SYT1: variants seen among roughly 807,000 people sequenced by gnomAD.
The protein encoded by SYT1 is synaptotagmin 1.
In SYT1, 8 loss-of-function variants were observed where a neutral mutation model predicts 44.8. That is an observed-to-expected ratio of 0.18 (90% CI 0.10 to 0.32). SYT1 has a LOEUF of 0.32. Ranked by LOEUF, SYT1 falls within the 10% of genes least tolerant of loss-of-function variation. The pLI, the probability that SYT1 is intolerant of heterozygous loss-of-function variation, is 1.00. For synonymous variants in SYT1, 154 were observed against 188.8 expected (o/e 0.82, Z 1.51); for missense variants, 286 against 509.3 (o/e 0.56, Z 4.22).
At chr12:79,174,715 C>T (rs1227145271) in intron 3 of SYT1, among the ~76,000 whole-genome samples, 19 of 152,000 alleles carry the variant, frequency 1.3e-4, no homozygotes, top group Non-Finnish European at 4.4e-5. Context: ...AATTTAATCA[C>T]TTCAGTCCTT....
intron 4 of SYT1, among the ~76,000 whole-genome samples, chr12:79,232,130 G>A (rs959089799): frequency 8.5e-5 from 13 of 152,126 alleles, no homozygotes; most frequent in East Asian, 5.8e-4. Flanking sequence ...TAAAGTATTC[G>A]TGTATATAAA....
At chr12:79,428,692 A>G (rs1014928482) in intron 9 of SYT1, among the ~76,000 whole-genome samples, 3 of 152,234 alleles carry the variant, frequency 2.0e-5, no homozygotes, top group South Asian at 4.1e-4. Context: ...TCTGAGAATT[A>G]TAAATGTAAA....
intron 2 of SYT1, among the ~76,000 whole-genome samples, chr12:78,990,841 A>G (rs997972087): frequency 8.5e-5 from 13 of 152,170 alleles, no homozygotes; most frequent in African/African-American, 3.1e-4. Context: ...TAATTTGGGG[A>G]AAATATGGTA....
intron 1 of SYT1, among the ~76,000 whole-genome samples, chr12:78,925,425 G>GT (rs1004012798): frequency 6.6e-6 from 1 of 151,852 alleles, no homozygotes; most frequent in Non-Finnish European, 1.5e-5. Flanking sequence ...GTTAACTGAG[G>GT]TTCCCCCTAA....
intron 3 of SYT1, among the ~76,000 whole-genome samples, chr12:79,112,840 A>G (rs2138097461): frequency 6.6e-6 from 1 of 152,110 alleles, no homozygotes; most frequent in East Asian, 1.9e-4. Context: ...GTACTTGTAG[A>G]GAACTTCTAT....
intron 4 of SYT1, among the ~76,000 whole-genome samples, chr12:79,234,955 C>G (rs1292797712): frequency 6.6e-6 from 1 of 152,076 alleles, no homozygotes; most frequent in Non-Finnish European, 1.5e-5. Flanking sequence ...GTGATCCACC[C>G]ACCTTGGCCT....
At chr12:78,969,686 A>C (rs1868331402) in intron 1 of SYT1, among the ~76,000 whole-genome samples, 1 of 152,170 alleles carries the variant, frequency 6.6e-6, no homozygotes, top group Admixed American at 6.5e-5. Context: ...GGTGAGATGA[A>C]GTAGGAGAAG....
At chr12:78,961,978 T>C (rs1204515798) in intron 1 of SYT1, among the ~76,000 whole-genome samples, 1 of 152,196 alleles carries the variant, frequency 6.6e-6, no homozygotes, top group African/African-American at 2.4e-5. Flanking sequence ...CACATAATTC[T>C]ATGTAACTAA....
intron 2 of SYT1, among the ~76,000 whole-genome samples, chr12:79,029,627 T>C (rs1872722572): frequency 6.6e-6 from 1 of 151,152 alleles, no homozygotes; most frequent in East Asian, 1.9e-4. Context: ...AGCTAAGGAA[T>C]CCTGAATGAA....
At chr12:79,200,320 T>C (rs1359839270) in intron 3 of SYT1, among the ~76,000 whole-genome samples, 1 of 152,076 alleles carries the variant, frequency 6.6e-6, no homozygotes, top group Non-Finnish European at 1.5e-5. Context: ...GTCTAACAAA[T>C]TGCCAAAGGA....
intron 1 of SYT1, among the ~76,000 whole-genome samples, chr12:78,966,437 C>G (rs1879778671): frequency 6.6e-6 from 1 of 152,124 alleles, no homozygotes; most frequent in African/African-American, 2.4e-5. Flanking sequence ...AAGTCACACA[C>G]TGACTTTAGA....
At chr12:79,384,930 T>G (rs1468273356) in intron 9 of SYT1, among the ~76,000 whole-genome samples, 1 of 152,104 alleles carries the variant, frequency 6.6e-6, no homozygotes, top group Admixed American at 6.6e-5. Flanking sequence ...TATCTTTTGC[T>G]AGTAGTTATT....
intron 1 of SYT1, among the ~76,000 whole-genome samples, chr12:78,935,269 G>C (rs1474230782): frequency 1.3e-5 from 2 of 152,138 alleles, no homozygotes; most frequent in Non-Finnish European, 2.9e-5. Context: ...CAGACACTCT[G>C]CTGTGAAGGT....
At chr12:79,252,033 A>G (rs566147371) in intron 4 of SYT1, among the ~76,000 whole-genome samples, 55 of 152,098 alleles carry the variant, frequency 3.6e-4, no homozygotes, top group African/African-American at 1.3e-3. Context: ...ATGTGTATCT[A>G]TATATCTATG....
At chr12:79,447,358 T>G (rs142546145) in intron 10 of SYT1, among the ~76,000 whole-genome samples, 7 of 152,320 alleles carry the variant, frequency 4.6e-5, no homozygotes, top group Non-Finnish European at 8.8e-5. Flanking sequence ...CCTTCTGTCT[T>G]TCTCTATCCC....
chr12:79,036,617 T>A (rs541738267), intron 2 of SYT1: 13 of 151,956 alleles, frequency 8.6e-5, no homozygotes, highest in Non-Finnish European at 1.9e-4. Flanking sequence ...TCTGCATACC[T>A]ATATCAATAG....
At chr12:79,352,811 G>C (rs535684957) in intron 8 of SYT1, among the ~76,000 whole-genome samples, 35 of 152,290 alleles carry the variant, frequency 2.3e-4, no homozygotes, top group Middle Eastern at 3.4e-3. Flanking sequence ...ATGGTTATCA[G>C]TGAAATAACA....
At chr12:78,960,708 A>T (rs1879456767) in intron 1 of SYT1, 1 of 152,186 alleles carries the variant, frequency 6.6e-6, no homozygotes, top group Non-Finnish European at 1.5e-5. Flanking sequence ...CTTCTGGGAG[A>T]TGTCACCTGG....
At chr12:78,978,348 A>G (rs911949596) in intron 2 of SYT1, among the ~76,000 whole-genome samples, 1 of 152,322 alleles carries the variant, frequency 6.6e-6, no homozygotes, top group East Asian at 1.9e-4. Flanking sequence ...ATGATATTTT[A>G]GCACGAGTAT....
Sources: gnomAD v4.1 joint callset for allele counts (sites outside exome capture counted in the v4.1 genomes callset) on GRCh38, gnomAD v4.1.1 for gene constraint, MANE v1.5 for transcripts, NCBI Gene and HGNC (gene_info 2026-07-23, HGNC 2026-07-21) for gene names.